The following SPAG16 variants were observed in gnomAD, a reference collection of about 807,000 sequenced individuals.
SPAG16 encodes sperm-associated antigen 16 protein.
In SPAG16, 86 loss-of-function variants were observed where a neutral mutation model predicts 80.4. The ratio of observed to expected loss-of-function variants is 1.07; its 90% CI spans 0.90 to 1.28. SPAG16 has a LOEUF of 1.28. SPAG16 is among the 50% of genes most tolerant of loss of function. The probability of loss-of-function intolerance (pLI) is 0.00; values close to 1 mark genes in which losing one functional copy is unlikely to be tolerated. For missense variants in SPAG16, 870 were observed against 765.3 expected, an observed-to-expected ratio of 1.14 and a Z score of -1.61; for synonymous variants, 294 against 265.9, an observed-to-expected ratio of 1.11 and a Z score of -1.03.
At chr2:214,192,607 T>G (rs1429750380) in intron 15 of SPAG16, among the ~76,000 whole-genome samples, 1 of 149,138 alleles carries the variant, frequency 6.7e-6, no homozygotes, top group Non-Finnish European at 1.5e-5. Context: ...TTCTGTTTAT[T>G]GCACTTAGTA....
intron 1 of SPAG16, among the ~76,000 whole-genome samples, chr2:213,292,663 C>CAAAAAAAAAAAAAAA (rs1248465249): frequency 2.6e-5 from 2 of 76,362 alleles, no homozygotes; most frequent in African/African-American, 1.4e-4. Context: ...GACTCCGTCT[C>CAAAAAAAAAAAAAAA]AAAAAAAAAA....
intron 15 of SPAG16, among the ~76,000 whole-genome samples, chr2:214,293,888 A>G (rs184808330): frequency 1.3e-5 from 2 of 152,278 alleles, no homozygotes; most frequent in Admixed American, 6.5e-5. Context: ...GCCACTCTCA[A>G]TGACAGCAAC....
At chr2:214,065,758 C>T (rs1323365781) in intron 13 of SPAG16, among the ~76,000 whole-genome samples, 1 of 152,068 alleles carries the variant, frequency 6.6e-6, no homozygotes, top group Non-Finnish European at 1.5e-5. Context: ...ATAAGAAGCC[C>T]TCTCTGTAGC....
chr2:214,041,735 T>A (rs550662620), intron 13 of SPAG16, among the ~76,000 whole-genome samples: 1 of 151,656 alleles, frequency 6.6e-6, no homozygotes, highest in Non-Finnish European at 1.5e-5. Context: ...CCTTGCATAC[T>A]GTATGCATAT....
chr2:213,919,775 G>T lies in SPAG16; in HGVS notation c.1215-10185G>T, dbSNP rs79308629. ...GAAGAGTGTATATTCTATTTGTTTT[G>T]GGAGGGGAGAGTTCTGTAGATATCT... On this transcript the variant is annotated intron_variant, in intron 11 of 15. Transcript: ENST00000331683. 6.0e-3 allele frequency among the ~76,000 whole-genome samples: 919 copies of T among 152,174 alleles called. 6 individuals carry two copies. Among genetic ancestry groups the T allele is most frequent in the Middle Eastern group, 0.014 (4 of 294 alleles).
chr2:213,605,268 A>ATT (rs34856658), intron 10 of SPAG16, among the ~76,000 whole-genome samples: 3 of 139,342 alleles, frequency 2.2e-5, no homozygotes, highest in Admixed American at 7.2e-5. Context: ...TTTGGAATGC[A>ATT]TTTTTTTTTT....
intron 15 of SPAG16, among the ~76,000 whole-genome samples, chr2:214,353,019 T>C (rs1412429889): frequency 6.6e-6 from 1 of 152,134 alleles, no homozygotes; most frequent in African/African-American, 2.4e-5. Flanking sequence ...AAATAAATGC[T>C]TTAATACATT....
Position 214,150,524 on chromosome 2 carries a change from T to C in SPAG16, c.1720+1258T>C, listed in dbSNP as rs191354868. ...GGGTCAATTTATAGTTTTTGGCATA[T>C]ATAATCTACATTGACACCATAGCTC... On this transcript the variant is annotated intron_variant, in intron 15 of 15. Transcript: ENST00000331683. 1.4e-3 allele frequency among the ~76,000 whole-genome samples: 219 copies of C among 152,238 alleles called. 2 individuals are homozygous for C. Among genetic ancestry groups the C allele is most frequent in the Non-Finnish European group, 2.2e-4 (15 of 67,940 alleles).
At chr2:214,205,084 C>G (rs754325540) in intron 15 of SPAG16, among the ~76,000 whole-genome samples, 2 of 151,974 alleles carry the variant, frequency 1.3e-5, no homozygotes, top group African/African-American at 2.4e-5. Flanking sequence ...CAAAAATTAG[C>G]TGAGCATGTT....
chr2:213,514,904 C>A (rs2125827360), intron 10 of SPAG16, among the ~76,000 whole-genome samples: 1 of 152,118 alleles, frequency 6.6e-6, no homozygotes, highest in African/African-American at 2.4e-5. Context: ...GTAACCTACA[C>A]ATTTTTCTAG....
At chr2:214,064,627 A>C (rs2050445258) in intron 13 of SPAG16, among the ~76,000 whole-genome samples, 1 of 152,102 alleles carries the variant, frequency 6.6e-6, no homozygotes, top group African/African-American at 2.4e-5. Flanking sequence ...AAGTTGACCC[A>C]CTAACTGAAT....
intron 13 of SPAG16, among the ~76,000 whole-genome samples, chr2:214,088,148 C>T: frequency 6.6e-6 from 1 of 151,736 alleles, no homozygotes. Flanking sequence ...CAGACCTTTT[C>T]CAGGGAGTGG....
chr2:214,028,662 G>A (rs2048257184), intron 13 of SPAG16, among the ~76,000 whole-genome samples: 1 of 151,846 alleles, frequency 6.6e-6, no homozygotes, highest in Non-Finnish European at 1.5e-5. Context: ...AGAATCTTCT[G>A]TATTTCTGAT....
chr2:214,302,363 A>G (rs964537957), intron 15 of SPAG16, among the ~76,000 whole-genome samples: 1 of 152,240 alleles, frequency 6.6e-6, no homozygotes, highest in African/African-American at 2.4e-5. Flanking sequence ...TAATGCCGTC[A>G]TGTAATGACT....
chr2:213,398,523 G>A (rs1002503478), intron 9 of SPAG16, among the ~76,000 whole-genome samples: 1 of 152,100 alleles, frequency 6.6e-6, no homozygotes, highest in Admixed American at 6.6e-5. Flanking sequence ...CCCACCTTGA[G>A]GCTCTTGCAC....
chr2:214,038,202 CTG>C (rs1029849154), intron 13 of SPAG16, among the ~76,000 whole-genome samples: 3 of 152,232 alleles, frequency 2.0e-5, no homozygotes, highest in South Asian at 2.1e-4. Flanking sequence ...TTAGGAAAGA[CTG>C]TACTTTTGTT....
chr2:214,245,497 A>G (rs1162383087), intron 15 of SPAG16, among the ~76,000 whole-genome samples: 2 of 152,242 alleles, frequency 1.3e-5, no homozygotes, highest in African/African-American at 4.8e-5. Flanking sequence ...TTCTCTATAC[A>G]ATCAAAAGAA....
intron 10 of SPAG16, among the ~76,000 whole-genome samples, chr2:213,694,358 G>A (rs2065073582): frequency 1.3e-5 from 2 of 152,144 alleles, no homozygotes; most frequent in African/African-American, 4.8e-5. Context: ...ATTCAGAGAA[G>A]TGTTGGCTAA....
chr2:213,908,362 G>A (rs565439643), intron 11 of SPAG16, among the ~76,000 whole-genome samples: 1 of 152,266 alleles, frequency 6.6e-6, no homozygotes, highest in East Asian at 1.9e-4. Context: ...GGCATTTAAA[G>A]GAGACATCTA....
Sources: gnomAD v4.1 joint callset for allele counts (sites outside exome capture counted in the v4.1 genomes callset) on GRCh38, gnomAD v4.1.1 for gene constraint, MANE v1.5 for transcripts, NCBI Gene and HGNC (gene_info 2026-07-23, HGNC 2026-07-21) for gene names.